TTC39A: variants seen among roughly 807,000 people sequenced by gnomAD.
The protein encoded by TTC39A is tetratricopeptide repeat protein 39A.
In TTC39A, 46 loss-of-function variants were observed where a neutral mutation model predicts 82.3. The ratio of observed to expected loss-of-function variants is 0.56; its 90% CI spans 0.44 to 0.71. TTC39A has a LOEUF of 0.71. Among genes scored for constraint, TTC39A ranks in the 30% least tolerant of loss-of-function variants. The pLI, the probability that TTC39A is intolerant of heterozygous loss-of-function variation, is 0.00. For synonymous variants in TTC39A, 254 were observed against 275.2 expected (o/e 0.92, Z 0.76); for missense variants, 543 against 712.9 (o/e 0.76, Z 2.71).
intron 5 of TTC39A, among the ~76,000 whole-genome samples, chr1:51,310,035 T>C (rs1207009680): frequency 6.7e-6 from 1 of 150,158 alleles, no homozygotes; most frequent in Non-Finnish European, 1.5e-5. Context: ...AGGGCCAAGG[T>C]GGGCGCATCA....
chr1:51,295,101 T>C (rs1569781284), intron 13 of TTC39A, among the ~76,000 whole-genome samples: 1 of 152,160 alleles, frequency 6.6e-6, no homozygotes, highest in African/African-American at 2.4e-5. Flanking sequence ...ACCTCAGGCC[T>C]GAGCCATTTA....
At chr1:51,306,113 T>TG in intron 6 of TTC39A, 37 bp from the exon 7 acceptor site, 1 of 1,270,792 alleles carries the variant, frequency 7.9e-7, no homozygotes, top group East Asian at 2.4e-5. Flanking sequence ...CAGCCACTGC[T>TG]GGGGGTGGGG....
intron 1 of TTC39A, among the ~76,000 whole-genome samples, chr1:51,322,693 A>G (rs1237737524): frequency 6.6e-6 from 1 of 152,200 alleles, no homozygotes; most frequent in Admixed American, 6.5e-5. Flanking sequence ...AGATGAAACT[A>G]AGAGATCCCA....
chr1:51,301,768 C>A (rs759355265), intron 11 of TTC39A, 35 bp from the exon 12 acceptor site: 6 of 1,586,996 alleles, frequency 3.8e-6, no homozygotes, highest in South Asian at 1.1e-5. Flanking sequence ...GACGGGTGCC[C>A]ACCCAGCCCC....
At position 51,321,705 on chromosome 1, in the gene TTC39A, G is replaced by T. The variant is rs762789226; in HGVS notation, c.146+16C>A. 3 of 1,612,192 alleles carry T rather than the reference G, an allele frequency of 1.9e-6. No homozygotes were observed. The East Asian group carries it at 6.7e-5, about 36-fold the overall frequency. ...GTCATGCACACCCCCTACCCCAACC[G>T]GGGCTTGAGCCTCACCTGGGCTTGA... is the stretch of plus-strand genomic sequence containing the variant. On this transcript the variant is annotated intron_variant, in intron 2 of 17. Coordinates refer to ENST00000680483, the MANE Select transcript of TTC39A (RefSeq NM_001297663.2). The surrounding 1 kb of genome is among the most constrained non-coding windows in gnomAD (Gnocchi z 4.6).
At position 51,301,586 on chromosome 1, in the gene TTC39A, TCTC is replaced by T. The variant is rs1244900193; in HGVS notation, c.1036_1038del (p.Glu346del). ...CATCAGCCCACCTTGGACCAGCAGTTCTCCTTGCTGAGCAGGTCGGCGTAGAAG... is the reference window on the plus strand; with the variant it reads ...CATCAGCCCACCTTGGACCAGCAGTTCTTGCTGAGCAGGTCGGCGTAGAAG... On this transcript the variant is annotated inframe_deletion, in exon 12 of 18. Coordinates refer to ENST00000680483, the MANE Select transcript of TTC39A (RefSeq NM_001297663.2). The T allele has an allele frequency of 6.2e-7, 1 of 1,609,306 alleles. No homozygotes were observed. The highest frequency in any genetic ancestry group is 2.2e-5 in the East Asian group (1 of 44,732).
intron 12 of TTC39A, 110 bp from the exon 13 acceptor site, chr1:51,296,280 T>G: frequency 9.7e-7 from 1 of 1,027,874 alleles, no homozygotes; most frequent in Non-Finnish European, 1.5e-6. Flanking sequence ...TCCCGTTGTC[T>G]CCAAGCCCCA....
Position 51,330,393 on chromosome 1 carries a change from GC to G in TTC39A, c.41+43del, listed in dbSNP as rs1301764399. On this transcript the variant is annotated intron_variant, in intron 1 of 17. Coordinates refer to ENST00000680483, the MANE Select transcript of TTC39A (RefSeq NM_001297663.2). The surrounding 1 kb of genome is among the most constrained non-coding windows in gnomAD (Gnocchi z 4.5). ...GCGCCCGCCACCTGCCCGGGCCCCA[GC>G]CCGCGCCGCCCGCGCCCCCGGGCCT... 4.1e-6 allele frequency: 4 copies of G among 971,056 alleles called. No individual in the cohort carries two copies. In the African/African-American group the frequency reaches 7.4e-5, roughly 18 times the overall value. 60.2% of individuals were successfully genotyped at this position (971,056 alleles called of 1,614,324 possible).
chr1:51,313,076 C>A (rs1645145439), intron 2 of TTC39A, 133 bp from the exon 3 acceptor site: 2 of 1,272,588 alleles, frequency 1.6e-6, no homozygotes, highest in Non-Finnish European at 2.2e-6. Flanking sequence ...ACGGGGAGGG[C>A]CTTGGCCAGG....
At chr1:51,333,265 A>C (rs1645936243), upstream of TTC39A, among the ~76,000 whole-genome samples, 1 of 151,980 alleles carries the variant, frequency 6.6e-6, no homozygotes, top group South Asian at 2.1e-4. Flanking sequence ...TATGTGTATA[A>C]GTTGTATATG....
rs932714367 is a variant in TTC39A, at chr1:51,345,070, C to T, written c.-27G>A. ...GGCGCGGGCCGGGCTCGGACGGGGC[C>T]GCGGGCGGCCCCTCGCGGCGGCGGC... On this transcript the variant is annotated 5_prime_UTR_variant, in exon 1 of 6. Coordinates refer to the TTC39A transcript ENST00000401051. 8.9e-6 allele frequency: 12 copies of T among 1,345,176 alleles called. No homozygotes were observed. The African/African-American group carries it at 1.2e-4, about 14-fold the overall frequency. 83.3% of individuals were successfully genotyped at this position (1,345,176 alleles called of 1,614,324 possible). A position where few individuals can be genotyped will look rare whatever the true frequency, so the allele number is the denominator to read the frequency against.
intron 1 of TTC39A, chr1:51,322,217 T>C (rs2148282614): frequency 9.9e-6 from 15 of 1,510,850 alleles, no homozygotes; most frequent in South Asian, 2.6e-5. Context: ...CCACAGCCCC[T>C]TTTTCCCTCC....
chr1:51,308,778 C>T (rs750728528), intron 6 of TTC39A, among the ~76,000 whole-genome samples: 1 of 151,908 alleles, frequency 6.6e-6, no homozygotes, highest in Non-Finnish European at 1.5e-5. Flanking sequence ...CACGTGCATG[C>T]ACGTGTGTGT....
chr1:51,307,734 C>CAAA (rs1216098958), intron 6 of TTC39A, among the ~76,000 whole-genome samples: 4 of 75,318 alleles, frequency 5.3e-5, no homozygotes, highest in Non-Finnish European at 5.7e-5. Context: ...GACTCTGTCT[C>CAAA]AAAAAAAAAA....
At chr1:51,316,080 C>T (rs920341706) in intron 2 of TTC39A, among the ~76,000 whole-genome samples, 1 of 152,168 alleles carries the variant, frequency 6.6e-6, no homozygotes, top group Non-Finnish European at 1.5e-5. Flanking sequence ...GTCCCTGGGT[C>T]GTTCTCGGCA....
intron 6 of TTC39A, 40 bp from the exon 7 acceptor site, chr1:51,306,116 G>A: frequency 6.4e-7 from 1 of 1,573,864 alleles, no homozygotes; most frequent in Non-Finnish European, 8.7e-7. Context: ...CCACTGCTGG[G>A]GGTGGGGGGT....
rs1052515307 is a variant in TTC39A, at chr1:51,321,495, A to T, written c.146+226T>A. ...GGGAACAAGTAACAAAGTGTGAAGA[A>T]CCCTCAAGAGCCTAAGAAGAAGCAA... On this transcript the variant is annotated intron_variant, in intron 2 of 17. Transcript: ENST00000680483. The surrounding 1 kb of genome is among the most constrained non-coding windows in gnomAD (Gnocchi z 4.6). Among the ~76,000 whole-genome samples the T allele has an allele frequency of 1.3e-5, 2 of 152,092 alleles. No individual in the cohort carries two copies. The highest frequency in any genetic ancestry group is 2.9e-5 in the Non-Finnish European group (2 of 68,000).
At chr1:51,339,522 G>C (rs1646010810) in intron 1 of TTC39A, among the ~76,000 whole-genome samples, 1 of 152,206 alleles carries the variant, frequency 6.6e-6, no homozygotes, top group Admixed American at 6.5e-5. Flanking sequence ...GGCCCTCCCA[G>C]AAGTGGATGT....
chr1:51,336,145 C>T (rs1645971939), upstream of TTC39A, among the ~76,000 whole-genome samples: 1 of 152,134 alleles, frequency 6.6e-6, no homozygotes, highest in Admixed American at 6.5e-5. Flanking sequence ...GAGTGAGCCC[C>T]ACCCTAACAG....
Sources: allele counts gnomAD v4.1 joint callset (sites outside exome capture counted in the v4.1 genomes callset), GRCh38; gene constraint gnomAD v4.1.1; non-coding constraint Gnocchi (gnomAD v3.1); transcripts MANE v1.5; gene names NCBI Gene and HGNC (gene_info 2026-07-23, HGNC 2026-07-21).